DNAH14: variants seen among roughly 807,000 people sequenced by gnomAD.
DNAH14 encodes the protein axonemal beta dynein heavy chain 14.
A neutral mutation model predicts 520.9 loss-of-function variants in DNAH14; 478 were observed. The ratio of observed to expected loss-of-function variants is 0.92; its 90% CI spans 0.85 to 0.99. The LOEUF (loss-of-function observed/expected upper bound fraction) is 0.99. DNAH14 is among the 50% of genes least tolerant of loss of function. The pLI, the probability that DNAH14 is intolerant of heterozygous loss-of-function variation, is 0.00. For missense variants in DNAH14, 4,831 were observed against 5,234.5 expected (o/e 0.92, Z 2.38); for synonymous variants, 1,581 against 1,757.2 (o/e 0.90, Z 2.51).
rs575970584 is a variant in DNAH14, at chr1:224,982,527, G to C, written c.830+8374G>C. 5.9e-5 allele frequency among the ~76,000 whole-genome samples: 9 copies of C among 152,252 alleles called. No individual in the cohort carries two copies. The East Asian group carries it at 1.5e-3, about 26-fold the overall frequency. The stretch of plus-strand genomic sequence containing the variant: ...TCTTGTTTCTCTAGTTCCTTGAGGC[G>C]TGACCTTAGACGGTCTGTTTGTGCT... On this transcript the variant is annotated intron_variant, in intron 8 of 85. Transcript: ENST00000682510.
chr1:225,192,811 T>C lies in DNAH14; in HGVS notation c.5786T>C (p.Leu1929Ser). 1 of 1,550,300 alleles carries C rather than the reference T, an allele frequency of 6.5e-7. No individual in the cohort carries two copies. The highest frequency in any genetic ancestry group is 8.7e-7 in the Non-Finnish European group (1 of 1,146,076). The part of the protein sequence containing the change: ...PNTMEWTDGL[L>S]SATIRSYVYF... The stretch of plus-strand genomic sequence containing the variant: ...ACTATGGAATGGACTGATGGATTAT[T>C]ATCAGCAACAATTCGAAGTTATGTA... Residue 1929 changes from leucine to serine, a missense_variant, in exon 38 of 86, where the codon TTA (leucine) becomes TCA (serine). Coordinates refer to ENST00000682510, the MANE Select transcript of DNAH14 (RefSeq NM_001367479.1).
chr1:225,142,870 G>A (rs190329900), intron 28 of DNAH14, among the ~76,000 whole-genome samples: 2 of 152,242 alleles, frequency 1.3e-5, no homozygotes, highest in East Asian at 1.9e-4. Flanking sequence ...AGATTGCAGT[G>A]AGCTGAGATT....
Position 225,232,280 on chromosome 1 carries a change from T to TATACACAC in DNAH14, c.6518+1130_6518+1131insTACACACA, listed in dbSNP as rs1553258510. On this transcript the variant is annotated intron_variant, in intron 42 of 85. Transcript: ENST00000682510. This position sits in a 1 kb window ranked among gnomAD's most constrained non-coding sequence, Gnocchi z 4.2. ...ATATATAAACTGTGATATATATATA[T>TATACACAC]ACACACACACACACACACACGTGTA... Among the ~76,000 whole-genome samples the TATACACAC allele has an allele frequency of 1.0e-3, 149 of 149,596 alleles. No homozygotes were observed. Among genetic ancestry groups the TATACACAC allele is most frequent in the African/African-American group, 1.5e-3 (62 of 40,784 alleles).
In DNAH14 at chr1:225,333,396, C is replaced by T; in HGVS notation, c.9970C>T (p.Pro3324Ser). Residue 3324 changes from proline (P) to serine (S), a missense_variant, in exon 66 of 86, where the codon CCA (proline) becomes TCA (serine). Physicochemically the swap from Pro to Ser is moderately conservative, Grantham distance 74 (BLOSUM62 -1). Transcript: ENST00000682510. ...ACIVYSGILT[P>S]EFRQLIVNKW... The stretch of plus-strand genomic sequence containing the variant: ...CATTGTCTACAGTGGAATTTTAACA[C>T]CAGAATTTCGCCAGTTGATTGTGAA... 3 of 1,551,620 alleles carry T rather than the reference C, an allele frequency of 1.9e-6. No individual in the cohort carries two copies. Among genetic ancestry groups the T allele is most frequent in the Non-Finnish European group, 2.6e-6 (3 of 1,146,914 alleles).
intron 8 of DNAH14, among the ~76,000 whole-genome samples, chr1:224,974,652 A>AATC (rs2061695702): frequency 6.6e-6 from 1 of 152,198 alleles, no homozygotes; most frequent in African/African-American, 2.4e-5. Flanking sequence ...AATGATATAT[A>AATC]ATCAAGATAT....
chr1:225,230,314 A>C (rs12144353), intron 41 of DNAH14, among the ~76,000 whole-genome samples: 3,875 of 151,952 alleles, frequency 0.026, 76 homozygotes, highest in Non-Finnish European at 0.041. Context: ...TCAGCACTCA[A>C]CTCTGTTTTT....
chr1:225,043,182 C>A, intron 13 of DNAH14, 68 bp downstream of exon 13: 2 of 1,432,192 alleles, frequency 1.4e-6, no homozygotes, highest in Non-Finnish European at 9.2e-7. Flanking sequence ...GCAATCCTGG[C>A]ACTCTGGGAG....
At chr1:225,384,486 C>A (rs1257258589) in intron 81 of DNAH14, among the ~76,000 whole-genome samples, 1 of 151,798 alleles carries the variant, frequency 6.6e-6, no homozygotes. Context: ...GCTATCAAGA[C>A]TAATAAAAAA....
At position 225,358,489 on chromosome 1, in the gene DNAH14, T is replaced by C. The variant is rs534706114; in HGVS notation, c.11620-7T>C. ...TTTTACCTTATCTTCCATGTTTTCT[T>C]TTTTAGGTAAAAGTTCTTAGACCAG... On this transcript the variant is annotated splice_polypyrimidine_tract_variant and splice_region_variant and intron_variant, in intron 73 of 85. Transcript: ENST00000682510. The C allele has an allele frequency of 3.5e-4, 525 of 1,505,022 alleles. 6 individuals carry two copies. In the South Asian group the frequency reaches 6.7e-3, roughly 19 times the overall value. 93.2% of individuals were successfully genotyped at this position (1,505,022 alleles called of 1,614,324 possible). A position where few individuals can be genotyped will look rare whatever the true frequency, so the allele number is the denominator to read the frequency against.
At chr1:225,131,222 T>A (rs1373312608) in intron 27 of DNAH14, among the ~76,000 whole-genome samples, 1 of 152,186 alleles carries the variant, frequency 6.6e-6, no homozygotes, top group Non-Finnish European at 1.5e-5. Context: ...TATTAAAAAG[T>A]TACTAAAAAC....
At chr1:225,213,240 G>A (rs907094588) in intron 41 of DNAH14, among the ~76,000 whole-genome samples, 1 of 151,930 alleles carries the variant, frequency 6.6e-6, no homozygotes, top group Non-Finnish European at 1.5e-5. Context: ...ATTATTTCTG[G>A]GGGCTCTATT....
intron 66 of DNAH14, 114 bp from the exon 67 acceptor site, chr1:225,337,152 C>A: frequency 1.1e-6 from 1 of 901,266 alleles, no homozygotes; most frequent in Non-Finnish European, 1.7e-6. Context: ...CATTTTTAAA[C>A]AGTATTTCTT....
chr1:225,020,496 CA>C (rs57945282), intron 10 of DNAH14, among the ~76,000 whole-genome samples: 5,637 of 57,310 alleles, frequency 0.098, 318 homozygotes, highest in African/African-American at 0.3. Flanking sequence ...GGCTCTGTCT[CA>C]AAAAAAAAAA....
chr1:224,996,370 A>C (rs1191479259), intron 8 of DNAH14, among the ~76,000 whole-genome samples: 4 of 152,042 alleles, frequency 2.6e-5, no homozygotes, highest in African/African-American at 4.8e-5. Flanking sequence ...TGTGTTGCCC[A>C]GGCTGGTCTT....
At chr1:225,275,602 G>A (rs1476659103) in intron 52 of DNAH14, among the ~76,000 whole-genome samples, 3 of 152,154 alleles carry the variant, frequency 2.0e-5, no homozygotes, top group Non-Finnish European at 4.4e-5. Flanking sequence ...CTAGCAACAG[G>A]AGTTCTTAAC....
intron 1 of DNAH14, among the ~76,000 whole-genome samples, chr1:224,944,901 C>A (rs1256505823): frequency 6.6e-6 from 1 of 152,196 alleles, no homozygotes; most frequent in Non-Finnish European, 1.5e-5. Context: ...GGTAACCCTA[C>A]CTTTCTCTCT....
intron 41 of DNAH14, among the ~76,000 whole-genome samples, chr1:225,224,428 A>G (rs181994990): frequency 6.6e-6 from 1 of 152,236 alleles, no homozygotes; most frequent in African/African-American, 2.4e-5. Flanking sequence ...GGACTAAAAC[A>G]TTATCTCCCT....
At chr1:225,306,690 A>G (rs2094249589) in intron 58 of DNAH14, among the ~76,000 whole-genome samples, 1 of 152,130 alleles carries the variant, frequency 6.6e-6, no homozygotes, top group South Asian at 2.1e-4. Context: ...ATCACTCAGT[A>G]GTTTCTTCCT....
At chr1:225,151,745 CT>C (rs1216037148) in intron 31 of DNAH14, 3 of 612,844 alleles carry the variant, frequency 4.9e-6, no homozygotes, top group Non-Finnish European at 8.6e-6. Context: ...ACTCATTCAG[CT>C]AGGTATCTTC....
Sources: gnomAD v4.1 joint callset for allele counts (sites outside exome capture counted in the v4.1 genomes callset) on GRCh38, gnomAD v4.1.1 for gene constraint, Gnocchi (gnomAD v3.1) non-coding constraint, MANE v1.5 for transcripts, NCBI Gene and HGNC (gene_info 2026-07-23, HGNC 2026-07-21) for gene names.